WDR45B: variants seen among roughly 807,000 people sequenced by gnomAD.
WDR45B encodes the protein WD repeat domain 45B.
WDR45B carries 20 observed loss-of-function variants against 44.6 expected under a neutral mutation model. The ratio of observed to expected loss-of-function variants is 0.45; its 90% confidence interval spans 0.32 to 0.65. The LOEUF (loss-of-function observed/expected upper bound fraction) is 0.65. Among genes scored for constraint, WDR45B ranks in the 30% least tolerant of loss-of-function variants. WDR45B has a pLI of 0.05. For missense variants in WDR45B, 323 were observed against 430.2 expected (o/e 0.75, Z 2.20); for synonymous variants, 169 against 164.9 (o/e 1.02, Z -0.19).
In WDR45B at chr17:82,621,712, G is replaced by C. The variant is rs2045620450; in HGVS notation, c.515C>G (p.Ala172Gly). Residue 172 changes from alanine (A) to glycine (G), a missense_variant, in exon 6 of 10, where the codon GCC (alanine) becomes GGC (glycine). Ala to Gly is a moderately conservative substitution (Grantham distance 60, BLOSUM62 0). Transcript: ENST00000392325. ...GTCCACGGGTGGCTTCTCCGTGCTG[G>C]CCAGGTCCACAAGCTGCACATGGCC... is the stretch of plus-strand genomic sequence containing the variant. ...HTGHVQLVDL[A>G]STEKPPVDIP... 2 of 1,614,190 alleles carry C rather than the reference G, an allele frequency of 1.2e-6. No homozygotes were observed. The highest frequency in any genetic ancestry group is 2.7e-5 in the African/African-American group (2 of 75,036).
At chr17:82,640,352 TC>T (rs1454598292) in intron 2 of WDR45B, among the ~76,000 whole-genome samples, 1 of 147,456 alleles carries the variant, frequency 6.8e-6, no homozygotes, top group African/African-American at 2.5e-5. Context: ...GGGATTTTTT[TC>T]TTTTTTTTTT....
At position 82,616,642 on chromosome 17, in the gene WDR45B, C is replaced by T; in HGVS notation, c.810G>A (p.Leu270=). ...EDPKRNKQSS[L]ASASFLPKYF... ...ATTTTGGAAGGAAACTGGCTGAGGC[C>T]AAACTGTGAAGACAAGAAAAGAAAG... Residue 270 remains leucine (L), a synonymous_variant, in exon 9 of 10, where the codon TTG becomes TTA. Coordinates refer to ENST00000392325, the MANE Select transcript of WDR45B (RefSeq NM_019613.4). 3.1e-6 allele frequency: 5 copies of T among 1,614,040 alleles called. No individual in the cohort carries two copies. The highest frequency in any genetic ancestry group is 3.4e-6 in the Non-Finnish European group (4 of 1,179,986).
intron 5 of WDR45B, among the ~76,000 whole-genome samples, chr17:82,623,387 C>CAAAAAA (rs59311520): frequency 1.0e-5 from 1 of 99,454 alleles, no homozygotes; most frequent in Non-Finnish European, 2.1e-5. Flanking sequence ...ACTCTATCTC[C>CAAAAAA]AAAAAAAAAA....
chr17:82,646,598 T>G (rs1280840332), intron 1 of WDR45B, among the ~76,000 whole-genome samples: 1 of 151,284 alleles, frequency 6.6e-6, no homozygotes, highest in Non-Finnish European at 1.5e-5. Context: ...ATGTCACAAG[T>G]CAGGTAGGGA....
intron 3 of WDR45B, chr17:82,629,398 GCT>G (rs2045739850): frequency 1.6e-6 from 1 of 630,552 alleles, no homozygotes; most frequent in Non-Finnish European, 2.0e-6. Context: ...ATCCTGCCCT[GCT>G]CTCTCTGTGG....
intron 5 of WDR45B, among the ~76,000 whole-genome samples, chr17:82,622,502 G>A (rs1223497937): frequency 3.3e-5 from 5 of 152,078 alleles, no homozygotes; most frequent in Non-Finnish European, 4.4e-5. Flanking sequence ...GCGTGATCTC[G>A]GCTCACTGCA....
intron 5 of WDR45B, among the ~76,000 whole-genome samples, chr17:82,624,750 C>A (rs1425059409): frequency 2.0e-5 from 3 of 151,816 alleles, no homozygotes; most frequent in Non-Finnish European, 4.4e-5. Flanking sequence ...TCCCAAGTAG[C>A]TGGGACTACA....
chr17:82,631,600 T>TTTTTTTTTTTTGTG (rs1555649695), intron 2 of WDR45B, among the ~76,000 whole-genome samples: 1 of 138,926 alleles, frequency 7.2e-6, no homozygotes. Context: ...GACTCATTTT[T>TTTTTTTTTTTTGTG]AATCAGCAAT....
At chr17:82,640,953 G>A (rs1179085163) in intron 2 of WDR45B, among the ~76,000 whole-genome samples, 1 of 142,034 alleles carries the variant, frequency 7.0e-6, no homozygotes, top group Non-Finnish European at 1.5e-5. Flanking sequence ...AGAAGTTTTA[G>A]ATGTTTCTTG....
At chr17:82,628,133 C>A (rs953789559) in intron 3 of WDR45B, among the ~76,000 whole-genome samples, 1 of 152,180 alleles carries the variant, frequency 6.6e-6, no homozygotes, top group African/African-American at 2.4e-5. Context: ...GCTGGGACTA[C>A]AGGCATGCAC....
At chr17:82,618,016 C>A (rs2045563070) in intron 7 of WDR45B, among the ~76,000 whole-genome samples, 1 of 152,036 alleles carries the variant, frequency 6.6e-6, no homozygotes. Context: ...GCAACCTCCA[C>A]CTCCCAGGTT....
chr17:82,641,114 C>T (rs1048503702), intron 2 of WDR45B, among the ~76,000 whole-genome samples: 5 of 151,760 alleles, frequency 3.3e-5, no homozygotes, highest in African/African-American at 4.8e-5. Context: ...TACAGGTATG[C>T]GCCACCACGC....
At chr17:82,646,585 A>T (rs978592929) in intron 1 of WDR45B, among the ~76,000 whole-genome samples, 2 of 152,068 alleles carry the variant, frequency 1.3e-5, no homozygotes, top group Non-Finnish European at 2.9e-5. Flanking sequence ...AAACTAATCT[A>T]TGATGTCACA....
At chr17:82,617,854 G>C (rs2045560137) in intron 7 of WDR45B, among the ~76,000 whole-genome samples, 1 of 152,170 alleles carries the variant, frequency 6.6e-6, no homozygotes, top group Non-Finnish European at 1.5e-5. Flanking sequence ...GAGCAGACAG[G>C]GATGTGCTAT....
intron 5 of WDR45B, among the ~76,000 whole-genome samples, chr17:82,624,877 C>CA (rs2045674892): frequency 6.8e-6 from 1 of 147,392 alleles, no homozygotes; most frequent in South Asian, 2.2e-4. Flanking sequence ...CTCGGCCTCC[C>CA]AAAGTGCTGG....
intron 2 of WDR45B, among the ~76,000 whole-genome samples, chr17:82,639,275 G>C (rs1379761746): frequency 6.6e-6 from 1 of 151,970 alleles, no homozygotes; most frequent in Admixed American, 6.5e-5. Flanking sequence ...GCACCATTTT[G>C]AGGATGTGCC....
intron 2 of WDR45B, among the ~76,000 whole-genome samples, chr17:82,632,692 G>A (rs1022173074): frequency 6.6e-6 from 1 of 152,002 alleles, no homozygotes; most frequent in African/African-American, 2.4e-5. Context: ...ACAGCTGCAC[G>A]AAATGACTCA....
At chr17:82,647,238 A>T (rs2045990115) in intron 1 of WDR45B, among the ~76,000 whole-genome samples, 1 of 152,220 alleles carries the variant, frequency 6.6e-6, no homozygotes, top group Admixed American at 6.5e-5. Flanking sequence ...TAAATAAATA[A>T]ATAAAATTGT....
At chr17:82,626,601 C>T (rs1488381110) in intron 4 of WDR45B, among the ~76,000 whole-genome samples, 1 of 149,144 alleles carries the variant, frequency 6.7e-6, no homozygotes, top group Non-Finnish European at 1.5e-5. Flanking sequence ...CCAACTTGCT[C>T]GGCTGCTGTC....
Sources: gnomAD v4.1 joint callset for allele counts (sites outside exome capture counted in the v4.1 genomes callset) on GRCh38, gnomAD v4.1.1 for gene constraint, MANE v1.5 for transcripts, NCBI Gene and HGNC (gene_info 2026-07-23, HGNC 2026-07-21) for gene names.